Variants in PDXDC1 observed in about 807,000 individuals in gnomAD.
PDXDC1 encodes the protein pyridoxal-dependent decarboxylase domain-containing protein 1.
Under a neutral mutation model 100.1 loss-of-function variants are expected in PDXDC1, and 42 were observed. The observed-to-expected ratio is 0.42, with a 90% CI of 0.33 to 0.54. PDXDC1 has a LOEUF of 0.54. Among genes scored for constraint, PDXDC1 ranks in the 20% least tolerant of loss-of-function variants. The pLI, the probability that PDXDC1 is intolerant of heterozygous loss-of-function variation, is 0.10. For synonymous variants in PDXDC1, 260 were observed against 371.7 expected (o/e 0.70, Z 3.46); for missense variants, 636 against 979.2 (o/e 0.65, Z 4.68).
chr16:15,084,759 A>G, intron 16 of PDXDC1: 1 of 1,231,810 alleles, frequency 8.1e-7, no homozygotes, highest in African/African-American at 1.5e-5. Context: ...GAAGGGCGAC[A>G]CGCTTGAAGC....
chr16:15,140,447 CAA>C (rs888007915), downstream of PDXDC1, among the ~76,000 whole-genome samples: 6 of 39,062 alleles, frequency 1.5e-4, no homozygotes, highest in Admixed American at 2.5e-4. Context: ...AGCTCCATCT[CAA>C]AAAAAAAAAA....
intron 16 of PDXDC1, among the ~76,000 whole-genome samples, chr16:15,070,678 G>C (rs2045186146): frequency 6.6e-6 from 1 of 152,230 alleles, no homozygotes; most frequent in Non-Finnish European, 1.5e-5. Context: ...GGTTGGGGAA[G>C]GGTTTCAACA....
At chr16:14,975,813 C>G (rs1251762823) in intron 1 of PDXDC1, among the ~76,000 whole-genome samples, 1 of 152,288 alleles carries the variant, frequency 6.6e-6, no homozygotes, top group Non-Finnish European at 1.5e-5. Context: ...CCCGCTCCCA[C>G]TCCGCCCCAC....
intron 16 of PDXDC1, chr16:15,128,186 G>A: frequency 6.2e-7 from 1 of 1,609,656 alleles, no homozygotes. Context: ...CCAACGCGGG[G>A]GCAGAGGGGC....
At chr16:15,033,464 C>T (rs1302506424) in intron 19 of PDXDC1, 65 bp downstream of exon 19, 14 of 1,557,786 alleles carry the variant, frequency 9.0e-6, no homozygotes, top group Middle Eastern at 1.7e-4. Flanking sequence ...GCAGGGGCCA[C>T]GAGGAAAGCA....
chr16:15,064,938 G>T (rs927373813), intron 16 of PDXDC1, among the ~76,000 whole-genome samples: 4 of 152,134 alleles, frequency 2.6e-5, no homozygotes, highest in African/African-American at 9.7e-5. Context: ...AGGCCGAGGC[G>T]GGCGGATCAC....
At chr16:15,132,689 C>A (rs1486775950) in intron 16 of PDXDC1, 4 of 780,662 alleles carry the variant, frequency 5.1e-6, no homozygotes, top group Admixed American at 2.0e-5. Flanking sequence ...GGCAGGCATG[C>A]GGGGCGGGGT....
At chr16:15,117,361 C>T (rs1230264107) in intron 16 of PDXDC1, among the ~76,000 whole-genome samples, 20 of 130,118 alleles carry the variant, frequency 1.5e-4, no homozygotes, top group African/African-American at 5.8e-4. Context: ...TAAACTTACA[C>T]TTAAGGTTAT....
rs1449467145 is a variant in PDXDC1, at chr16:15,037,139, G to A, written c.*864G>A. On this transcript the variant is annotated 3_prime_UTR_variant, in exon 23 of 23. Transcript: ENST00000396410. Reference sequence around the variant, plus strand: ...CCCCTTTGACCTGTCTCCCACTGAAGCTTCTACTGCCCTGGCAGCTCGCCT... The same window carrying A: ...CCCCTTTGACCTGTCTCCCACTGAAACTTCTACTGCCCTGGCAGCTCGCCT... The A allele has an allele frequency of 6.6e-5, 10 of 152,230 alleles. No individual in the cohort carries two copies. Among genetic ancestry groups the A allele is most frequent in the Non-Finnish European group, 1.5e-4 (10 of 68,060 alleles). The allele number at this position is 152,230 out of a possible 1,614,324, so 9.4% of individuals were successfully genotyped here.
intron 16 of PDXDC1, chr16:15,133,604 C>T (rs1331475225): frequency 3.2e-5 from 38 of 1,183,420 alleles, no homozygotes; most frequent in Non-Finnish European, 4.4e-5. Context: ...GGAGAGGCTG[C>T]CCTTGTAGAC....
At chr16:15,129,894 C>T in intron 16 of PDXDC1, 1 of 838,694 alleles carries the variant, frequency 1.2e-6, no homozygotes. Context: ...GAGCCCCGGC[C>T]CCAGCCTGTC....
intron 16 of PDXDC1, chr16:15,131,349 G>A: frequency 6.4e-7 from 1 of 1,560,116 alleles, no homozygotes; most frequent in Non-Finnish European, 8.8e-7. Flanking sequence ...CGGTGTAGTT[G>A]CTGATATAGC....
intron 16 of PDXDC1, among the ~76,000 whole-genome samples, chr16:15,122,847 G>GGGAGGGGAAGA (rs1240402996): frequency 7.9e-6 from 1 of 126,212 alleles, no homozygotes. Context: ...GGAGGGGAAG[G>GGGAGGGGAAGA]GGAGGGGAAG....
intron 4 of PDXDC1, among the ~76,000 whole-genome samples, chr16:15,003,821 A>AAGT (rs1295073508): frequency 6.6e-6 from 1 of 152,174 alleles, no homozygotes; most frequent in Non-Finnish European, 1.5e-5. Context: ...CGTCTCTACT[A>AAGT]AAAATACAAA....
At chr16:15,128,383 G>C (rs1422511731) in intron 16 of PDXDC1, 2 of 1,572,908 alleles carry the variant, frequency 1.3e-6, no homozygotes, top group Non-Finnish European at 1.7e-6. Flanking sequence ...CACGTGGGCC[G>C]TGGTACCTGG....
intron 4 of PDXDC1, among the ~76,000 whole-genome samples, chr16:15,003,417 C>T (rs1230046119): frequency 6.6e-6 from 1 of 152,134 alleles, no homozygotes; most frequent in African/African-American, 2.4e-5. Context: ...GGGGTTTCAC[C>T]ATGTTAGCCA....
intron 1 of PDXDC1, among the ~76,000 whole-genome samples, chr16:14,982,778 T>TAGAC (rs1968290945): frequency 6.6e-6 from 1 of 152,278 alleles, no homozygotes; most frequent in African/African-American, 2.4e-5. Flanking sequence ...TGTATTATAA[T>TAGAC]AGACGTGTGT....
chr16:15,015,915 A>G, intron 8 of PDXDC1: 1 of 1,179,322 alleles, frequency 8.5e-7, no homozygotes, highest in Non-Finnish European at 1.2e-6. Context: ...TGACACAATT[A>G]GATACATGTA....
intron 1 of PDXDC1, among the ~76,000 whole-genome samples, chr16:14,985,193 G>A (rs570334157): frequency 6.6e-6 from 1 of 151,642 alleles, no homozygotes; most frequent in Non-Finnish European, 1.5e-5. Context: ...TTTTTAAAGT[G>A]ACTAGTTCAT....
Sources: gnomAD v4.1 joint callset for allele counts (sites outside exome capture counted in the v4.1 genomes callset) on GRCh38, gnomAD v4.1.1 for gene constraint, MANE v1.5 for transcripts, NCBI Gene and HGNC (gene_info 2026-07-23, HGNC 2026-07-21) for gene names.